Variants in PLEKHG5 observed in about 807,000 individuals in gnomAD.
The protein encoded by PLEKHG5 is pleckstrin homology domain-containing family G member 5.
PLEKHG5 carries 52 observed loss-of-function variants against 103.8 expected under a neutral mutation model. That is an observed-to-expected ratio of 0.50 (90% CI 0.40 to 0.63). The LOEUF (loss-of-function observed/expected upper bound fraction) is 0.63, where lower values mean the gene tolerates loss of function less well. Among genes scored for constraint, PLEKHG5 ranks in the 30% least tolerant of loss-of-function variants. The pLI is 0.00. For synonymous variants in PLEKHG5, 592 were observed against 575.5 expected (o/e 1.03, Z -0.41); for missense variants, 1,205 against 1,347.6 (o/e 0.89, Z 1.66).
intron 10 of PLEKHG5, 49 bp from the exon 11 acceptor site, chr1:6,471,857 C>T: frequency 1.3e-6 from 2 of 1,545,982 alleles, no homozygotes; most frequent in Non-Finnish European, 1.8e-6. Context: ...CTGTCTCAGC[C>T]CTAGGGCCCC....
At chr1:6,472,426 T>C (rs1372806897) in intron 10 of PLEKHG5, 101 bp downstream of exon 10, 2 of 877,798 alleles carry the variant, frequency 2.3e-6, no homozygotes, top group African/African-American at 3.3e-5. Flanking sequence ...CCCACCTCAT[T>C]GCCAGGCACC....
At chr1:6,503,625 G>A (rs1238820440) in intron 1 of PLEKHG5, among the ~76,000 whole-genome samples, 1 of 152,098 alleles carries the variant, frequency 6.6e-6, no homozygotes, top group African/African-American at 2.4e-5. Flanking sequence ...GGCCAGGTTG[G>A]TCTTGAAGTC....
At chr1:6,471,361 G>C (rs1644579256) in intron 12 of PLEKHG5, 127 bp downstream of exon 12, 1 of 1,121,964 alleles carries the variant, frequency 8.9e-7, no homozygotes. Context: ...TTGGCCACAA[G>C]GGGTCAAGTG....
At chr1:6,516,785 GTTATATATA>G (rs1268500452) in intron 1 of PLEKHG5, among the ~76,000 whole-genome samples, 5 of 98,528 alleles carry the variant, frequency 5.1e-5, no homozygotes, top group Non-Finnish European at 1.0e-4. Flanking sequence ...ATGTGTGTGT[GTTATATATA>G]TGTGTATATA....
rs370666430 is a variant in PLEKHG5, at chr1:6,468,085, C to T, written c.2751G>A (p.Gln917=). Residue 917 remains glutamine (Q), a synonymous_variant, in exon 20 of 21, where the codon CAG becomes CAA. Transcript: ENST00000377728. ...TGGGCCCAGCTTCCTGAGGGGAGCC[C>T]TGAGTCCTAATACCTGGGGCTGGAA... ...LAVPAPGIRT[Q]GSPQEAGPSW... 117 of 1,585,446 alleles carry T rather than the reference C, an allele frequency of 7.4e-5. 2 individuals are homozygous for T. The African/African-American group carries it at 8.4e-4, about 11-fold the overall frequency.
chr1:6,506,341 T>C (rs1413610884), intron 1 of PLEKHG5, among the ~76,000 whole-genome samples: 2 of 152,118 alleles, frequency 1.3e-5, no homozygotes, highest in Non-Finnish European at 2.9e-5. Context: ...GCCTCAGAGC[T>C]GACCAATGGC....
intron 1 of PLEKHG5, chr1:6,485,841 C>T: frequency 1.0e-6 from 1 of 984,882 alleles, no homozygotes; most frequent in South Asian, 4.7e-5. Context: ...CCCACCTCTG[C>T]GCCTCTGCGC....
At position 6,468,577 on chromosome 1, in the gene PLEKHG5, A is replaced by G; in HGVS notation, c.2259T>C (p.Asp753=). The G allele has an allele frequency of 1.9e-6, 3 of 1,612,978 alleles. No individual in the cohort carries two copies. The highest frequency in any genetic ancestry group is 1.7e-6 in the Non-Finnish European group (2 of 1,179,958). Residue 753 remains aspartate (D), a synonymous_variant, in exon 20 of 21, where the codon GAT becomes GAC. Coordinates refer to ENST00000377728, the MANE Select transcript of PLEKHG5 (RefSeq NM_020631.6). ...GSPDSQHCAS[D]GSTETLAMVV... is the part of the protein sequence containing the mutation. ...CCATGGCCAGGGTCTCCGTGGAGCC[A>G]TCTGAGGCACTGTGGGGCCAGGAGC...
At chr1:6,503,478 G>C (rs565259161) in intron 1 of PLEKHG5, among the ~76,000 whole-genome samples, 2 of 149,564 alleles carry the variant, frequency 1.3e-5, no homozygotes, top group African/African-American at 5.0e-5. Context: ...GTATGATCTC[G>C]GCTCACTGAA....
rs1324903358 is a variant in PLEKHG5 at position 6,487,246 on chromosome 1, G to C, written c.-88+4391C>G. ...TTCTTCTGCCTCAGCCTCCCCAGTAGCTGGGATTACAGGCGCCCGCCACTA... is the reference window on the plus strand; with the variant it reads ...TTCTTCTGCCTCAGCCTCCCCAGTACCTGGGATTACAGGCGCCCGCCACTA... On this transcript the variant is annotated intron_variant, in intron 1 of 20. Coordinates refer to ENST00000377728, the MANE Select transcript of PLEKHG5 (RefSeq NM_020631.6). The surrounding 1 kb of genome is among the most constrained non-coding windows in gnomAD (Gnocchi z 4.1). 6.6e-6 allele frequency among the ~76,000 whole-genome samples: 1 copy of C among 152,068 alleles called. No individual in the cohort carries two copies. The highest frequency in any genetic ancestry group is 2.4e-5 in the African/African-American group (1 of 41,396).
At chr1:6,498,571 A>T (rs569891568), upstream of PLEKHG5, among the ~76,000 whole-genome samples, 16 of 152,376 alleles carry the variant, frequency 1.1e-4, no homozygotes, top group Admixed American at 9.8e-4. Context: ...TGGGGAGCTC[A>T]CAGGGGGCCT....
At position 6,505,853 on chromosome 1, in the gene PLEKHG5, C is replaced by T. The variant is rs1024405609; in HGVS notation, c.-164-9284G>A. Among the ~76,000 whole-genome samples the T allele has an allele frequency of 3.3e-5, 5 of 152,204 alleles. No homozygotes were observed. The highest frequency in any genetic ancestry group is 5.9e-5 in the Non-Finnish European group (4 of 68,034). On this transcript the variant is annotated intron_variant, in intron 1 of 21. Transcript: ENST00000377740. The surrounding 1 kb of genome is among the most constrained non-coding windows in gnomAD (Gnocchi z 4.2). The stretch of plus-strand genomic sequence containing the variant: ...CTCTGGCCCCCAGGGTCCTCATTTC[C>T]GGGTCCTCTCCTGCACCAGCGGCAG...
rs1247774686 is a variant in PLEKHG5 at position 6,505,235 on chromosome 1, C to A, written c.-164-8666G>T. Among the ~76,000 whole-genome samples, 1 of 152,150 alleles carries A rather than the reference C, an allele frequency of 6.6e-6. No individual in the cohort carries two copies. The highest frequency in any genetic ancestry group is 2.4e-5 in the African/African-American group (1 of 41,432). ...CTCCCTGACAGAGCTAGGTCCCCAG[C>A]CCACAGTGCCGGTCAGCCCACTGTG... On this transcript the variant is annotated intron_variant, in intron 1 of 21. Coordinates refer to the PLEKHG5 transcript ENST00000377740. The surrounding 1 kb of genome is among the most constrained non-coding windows in gnomAD (Gnocchi z 4.2).
intron 1 of PLEKHG5, among the ~76,000 whole-genome samples, chr1:6,484,821 C>T (rs531386704): frequency 1.3e-5 from 2 of 152,254 alleles, no homozygotes; most frequent in East Asian, 3.9e-4. Flanking sequence ...TGGGAACAGC[C>T]AGCTCCCACC....
rs763145325 is a variant in PLEKHG5, at chr1:6,509,763, C to T, written c.-165+9682G>A. On this transcript the variant is annotated intron_variant, in intron 1 of 21. Transcript: ENST00000377740. ...GGGCAGCCTCGGCCGTGACACTTCC[C>T]GATTCCACATCTGTAAAATGGGTTA... Among the ~76,000 whole-genome samples the T allele has an allele frequency of 5.9e-5, 9 of 152,356 alleles. No individual in the cohort carries two copies. In the South Asian group the frequency reaches 8.3e-4, roughly 14 times the overall value.
chr1:6,467,422 G>T lies in PLEKHG5; in HGVS notation c.*141C>A. On this transcript the variant is annotated 3_prime_UTR_variant, in exon 21 of 21. Transcript: ENST00000377728. ...TCCAGTCCGGCAAAGCGCAAATCGGGCCCGGGCGTAGGCAGGGATCCTGCC... is the reference window on the plus strand; with the variant it reads ...TCCAGTCCGGCAAAGCGCAAATCGGTCCCGGGCGTAGGCAGGGATCCTGCC... 1 of 910,290 alleles carries T rather than the reference G, an allele frequency of 1.1e-6. No individual in the cohort carries two copies. Among genetic ancestry groups the T allele is most frequent in the Non-Finnish European group, 1.8e-6 (1 of 545,748 alleles). 56.4% of individuals were successfully genotyped at this position (910,290 alleles called of 1,614,324 possible).
At chr1:6,485,300 T>C in intron 1 of PLEKHG5, 1 of 1,353,472 alleles carries the variant, frequency 7.4e-7, no homozygotes, top group Non-Finnish European at 9.5e-7. Context: ...CCAGCCCCGT[T>C]CCCGCCCCGT....
Position 6,474,111 on chromosome 1 carries a change from T to C in PLEKHG5, c.493A>G (p.Lys165Glu). The part of the protein sequence containing the change: ...GKVEQGMKDS[K>E]SLSLPILRPA... ...CGCAGAATCGGCAAACTCAGGGACTTGGAGTCCTTCATGCCCTGCTCCACC... is the reference window on the plus strand; with the variant it reads ...CGCAGAATCGGCAAACTCAGGGACTCGGAGTCCTTCATGCCCTGCTCCACC... The change falls in exon 7 of 21, where the codon AAG becomes GAG. Residue 165 changes from lysine to glutamate, a missense_variant. Lys to Glu is a moderately conservative substitution (Grantham distance 56). Coordinates refer to ENST00000377728, the MANE Select transcript of PLEKHG5 (RefSeq NM_020631.6). 1 of 1,613,510 alleles carries C rather than the reference T, an allele frequency of 6.2e-7. No individual in the cohort carries two copies. Among genetic ancestry groups the C allele is most frequent in the Non-Finnish European group, 8.5e-7 (1 of 1,179,948 alleles).
rs563554788 is a variant in PLEKHG5 at position 6,470,744 on chromosome 1, G to A, written c.1533C>T (p.Val511=). 6 of 1,559,658 alleles carry A rather than the reference G, an allele frequency of 3.8e-6. No homozygotes were observed. The South Asian group carries it at 5.9e-5, about 15-fold the overall frequency. The change falls in exon 14 of 21, where the codon GTC becomes GTT. Residue 511 remains valine, a synonymous_variant. Coordinates refer to ENST00000377728, the MANE Select transcript of PLEKHG5 (RefSeq NM_020631.6). ...TGGCCATCAGGGTTACCATGGCGAC[G>A]ACGGCCTCCTTGGCGCGCGGCTCCT... ...KTEEPRAKEA[V]VAMIGSVERF... is the part of the protein sequence containing the mutation.
Sources: gnomAD v4.1 joint callset for allele counts (sites outside exome capture counted in the v4.1 genomes callset) on GRCh38, gnomAD v4.1.1 for gene constraint, Gnocchi (gnomAD v3.1) non-coding constraint, MANE v1.5 for transcripts, NCBI Gene and HGNC (gene_info 2026-07-23, HGNC 2026-07-21) for gene names.